MYRIP: variants seen among roughly 807,000 people sequenced by gnomAD.
MYRIP encodes the protein myosin VIIA and Rab interacting protein.
MYRIP carries 49 observed loss-of-function variants against 98.0 expected under a neutral mutation model. The ratio of observed to expected loss-of-function variants is 0.50; its 90% confidence interval spans 0.40 to 0.63. The LOEUF (loss-of-function observed/expected upper bound fraction) is 0.63. Among genes scored for constraint, MYRIP ranks in the 30% least tolerant of loss-of-function variants. The probability of loss-of-function intolerance (pLI) is 0.00; values close to 1 mark genes in which losing one functional copy is unlikely to be tolerated. For missense variants in MYRIP, 1,004 were observed against 1,058.2 expected (o/e 0.95, Z 0.71); for synonymous variants, 404 against 409.5 (o/e 0.99, Z 0.16).
chr3:40,082,695 G>T (rs1948503927), intron 3 of MYRIP, among the ~76,000 whole-genome samples: 1 of 152,106 alleles, frequency 6.6e-6, no homozygotes, highest in Non-Finnish European at 1.5e-5. Flanking sequence ...CAATGGCTGA[G>T]GAAAAACAAA....
chr3:40,049,016 A>G (rs911777169), intron 3 of MYRIP, among the ~76,000 whole-genome samples: 1 of 152,154 alleles, frequency 6.6e-6, no homozygotes, highest in Non-Finnish European at 1.5e-5. Flanking sequence ...TTCAGGAAGC[A>G]AAACTTTTCA....
chr3:40,222,919 T>C (rs999814138), intron 11 of MYRIP, among the ~76,000 whole-genome samples: 3 of 152,246 alleles, frequency 2.0e-5, no homozygotes, highest in Admixed American at 1.3e-4. Context: ...CAAGTGGTTC[T>C]GAGATTTACG....
At chr3:40,082,509 A>C (rs1366041775) in intron 3 of MYRIP, among the ~76,000 whole-genome samples, 7 of 152,224 alleles carry the variant, frequency 4.6e-5, no homozygotes, top group Non-Finnish European at 8.8e-5. Context: ...ATTACCCAAA[A>C]TAATGAACTC....
At chr3:40,040,057 T>G (rs6774984) in intron 2 of MYRIP, among the ~76,000 whole-genome samples, 45,167 of 152,096 alleles carry the variant, frequency 0.3, 7,114 homozygotes, top group Non-Finnish European at 0.36. Context: ...AGCTCACTCA[T>G]ATAATGCAGG....
intron 3 of MYRIP, among the ~76,000 whole-genome samples, chr3:40,089,227 C>T (rs764171160): frequency 6.6e-6 from 1 of 152,198 alleles, no homozygotes; most frequent in Non-Finnish European, 1.5e-5. Context: ...AAGTAGGTAT[C>T]TGACTGCCAA....
intron 11 of MYRIP, among the ~76,000 whole-genome samples, chr3:40,232,103 G>A (rs1952678102): frequency 6.6e-6 from 1 of 152,120 alleles, no homozygotes; most frequent in African/African-American, 2.4e-5. Context: ...TATTCTAGTG[G>A]GTCTGCATCA....
At chr3:40,226,548 A>G (rs568522290) in intron 11 of MYRIP, among the ~76,000 whole-genome samples, 61 of 152,220 alleles carry the variant, frequency 4.0e-4, no homozygotes, top group Middle Eastern at 3.4e-3. Flanking sequence ...AGTCAGAATT[A>G]CCTTTCTGAA....
At chr3:40,168,045 T>G (rs1449022789) in intron 7 of MYRIP, among the ~76,000 whole-genome samples, 1 of 152,238 alleles carries the variant, frequency 6.6e-6, no homozygotes, top group Non-Finnish European at 1.5e-5. Context: ...CCTGATTGAA[T>G]GCACTCTCTA....
chr3:40,185,504 G>A (rs11129867), intron 9 of MYRIP, among the ~76,000 whole-genome samples: 136,240 of 152,112 alleles, frequency 0.9, 61,168 homozygotes, highest in Middle Eastern at 0.93. Flanking sequence ...TGATGGACCG[G>A]GAGACTGTGG....
intron 11 of MYRIP, 83 bp from the exon 12 acceptor site, chr3:40,233,776 G>C: frequency 7.9e-7 from 1 of 1,258,136 alleles, no homozygotes; most frequent in Non-Finnish European, 1.1e-6. Flanking sequence ...ATGATGATGA[G>C]TGTCATGATA....
chr3:39,911,095 C>A (rs1444733115), intron 2 of MYRIP, among the ~76,000 whole-genome samples: 1 of 152,204 alleles, frequency 6.6e-6, no homozygotes, highest in African/African-American at 2.4e-5. Context: ...AGAATGAACC[C>A]TTTCATGTTT....
At chr3:39,861,448 C>T (rs559460993) in intron 1 of MYRIP, among the ~76,000 whole-genome samples, 1 of 152,154 alleles carries the variant, frequency 6.6e-6, no homozygotes, top group Non-Finnish European at 1.5e-5. Context: ...TTTCTTACCT[C>T]GCAACAACCA....
chr3:39,845,745 C>T (rs570472897), intron 1 of MYRIP, among the ~76,000 whole-genome samples: 1 of 151,602 alleles, frequency 6.6e-6, no homozygotes, highest in Non-Finnish European at 1.5e-5. Context: ...GGAATTGTCA[C>T]CCACTTTTTT....
chr3:39,960,419 A>G (rs1945292793), intron 2 of MYRIP, among the ~76,000 whole-genome samples: 1 of 152,170 alleles, frequency 6.6e-6, no homozygotes, highest in Admixed American at 6.6e-5. Flanking sequence ...GGCAAAGTTT[A>G]ATAATAGCAT....
chr3:40,236,139 A>G (rs548442475), intron 12 of MYRIP, among the ~76,000 whole-genome samples: 1 of 152,334 alleles, frequency 6.6e-6, no homozygotes, highest in South Asian at 2.1e-4. Context: ...TACCGTTTCT[A>G]TGTTTAGATA....
intron 3 of MYRIP, among the ~76,000 whole-genome samples, chr3:40,050,274 A>T (rs753429690): frequency 6.6e-6 from 1 of 152,174 alleles, no homozygotes; most frequent in Non-Finnish European, 1.5e-5. Context: ...GGGCTGATGT[A>T]GCTGGTGACT....
At chr3:40,043,177 G>A (rs1575490567) in intron 2 of MYRIP, among the ~76,000 whole-genome samples, 1 of 152,146 alleles carries the variant, frequency 6.6e-6, no homozygotes, top group Non-Finnish European at 1.5e-5. Context: ...AATAGTAAAA[G>A]TAGTAGTCTA....
At position 39,892,717 on chromosome 3, in the gene MYRIP, G is replaced by A. The variant is rs560515833; in HGVS notation, c.-30-8070G>A. On this transcript the variant is annotated intron_variant, in intron 1 of 16. Transcript: ENST00000302541. ...TTTTAAGTTGTAAAATTAATATAAT[G>A]ATATTATAGAGAACTTGGAAAATGT... 3.7e-4 allele frequency among the ~76,000 whole-genome samples: 56 copies of A among 152,198 alleles called. 1 individual carries two copies. The highest frequency in any genetic ancestry group is 1.3e-3 in the African/African-American group (54 of 41,516).
chr3:40,228,470 A>G (rs1481587736), intron 11 of MYRIP, among the ~76,000 whole-genome samples: 3 of 152,208 alleles, frequency 2.0e-5, no homozygotes, highest in Non-Finnish European at 1.5e-5. Flanking sequence ...CTATCCCTAA[A>G]GGGTAAGGAG....
Sources: gnomAD v4.1 joint callset for allele counts (sites outside exome capture counted in the v4.1 genomes callset) on GRCh38, gnomAD v4.1.1 for gene constraint, MANE v1.5 for transcripts, NCBI Gene and HGNC (gene_info 2026-07-23, HGNC 2026-07-21) for gene names.